Variants in SPAG17 observed in about 807,000 individuals in gnomAD.
SPAG17 encodes the protein sperm-associated antigen 17.
A neutral mutation model predicts 273.6 loss-of-function variants in SPAG17; 169 were observed. That is an observed-to-expected ratio of 0.62 (90% CI 0.55 to 0.70). The LOEUF (loss-of-function observed/expected upper bound fraction) is 0.70, where lower values mean the gene tolerates loss of function less well. SPAG17 is among the 30% of genes least tolerant of loss of function. The pLI is 0.00. For missense variants in SPAG17, 2,557 were observed against 2,627.8 expected (o/e 0.97, Z 0.59); for synonymous variants, 825 against 873.2 (o/e 0.94, Z 0.97).
At chr1:118,176,536 T>C (rs1234594233) in intron 1 of SPAG17, among the ~76,000 whole-genome samples, 1 of 152,182 alleles carries the variant, frequency 6.6e-6, no homozygotes, top group African/African-American at 2.4e-5. Flanking sequence ...ATGCATTCAA[T>C]ATCAGAGCTC....
In SPAG17 at chr1:118,028,391, C is replaced by T. The variant is rs781719346; in HGVS notation, c.3613G>A (p.Glu1205Lys). 5.0e-6 allele frequency: 8 copies of T among 1,612,602 alleles called. No individual in the cohort carries two copies. The South Asian group carries it at 5.5e-5, about 11-fold the overall frequency. Residue 1205 changes from glutamate (E) to lysine (K), a missense_variant, in exon 26 of 49, where the codon GAA becomes AAA. By Grantham distance (56) the Glu-to-Lys change is moderately conservative. Coordinates refer to ENST00000336338, the MANE Select transcript of SPAG17 (RefSeq NM_206996.4). ...EHPKEEEKKE[E>K]EVEPEPVLQE... ...AAAACAGGTTCTGGTTCTACTTCTTCTTCCTGTAAATAATTCAGCATGTGA... is the reference window on the plus strand; with the variant it reads ...AAAACAGGTTCTGGTTCTACTTCTTTTTCCTGTAAATAATTCAGCATGTGA...
chr1:118,115,524 A>G, intron 3 of SPAG17, 83 bp from the exon 4 acceptor site: 1 of 1,336,060 alleles, frequency 7.5e-7, no homozygotes. Context: ...ATGAAAGGAA[A>G]TTTTATATTA....
At position 117,996,445 on chromosome 1, in the gene SPAG17, TGTC is replaced by T. The variant is rs763697121; in HGVS notation, c.4975_4977del (p.Asp1659del). 3.7e-6 allele frequency: 6 copies of T among 1,613,060 alleles called. No homozygotes were observed. Among genetic ancestry groups the T allele is most frequent in the Non-Finnish European group, 4.2e-6 (5 of 1,179,418 alleles). ...TATGCCAAAGATAGATATTCTTCTA[TGTC>T]ACTGTCTCGAAGAAGTTCCATTCCT... On this transcript the variant is annotated inframe_deletion, in exon 34 of 49. Coordinates refer to ENST00000336338, the MANE Select transcript of SPAG17 (RefSeq NM_206996.4).
intron 20 of SPAG17, among the ~76,000 whole-genome samples, chr1:118,045,810 G>C (rs1650283358): frequency 6.6e-6 from 1 of 152,112 alleles, no homozygotes. Context: ...TATCAGAATG[G>C]AATTTAATTG....
chr1:117,998,640 T>C (rs1657926961), intron 32 of SPAG17, among the ~76,000 whole-genome samples: 1 of 152,174 alleles, frequency 6.6e-6, no homozygotes, highest in African/African-American at 2.4e-5. Context: ...GTAAATTGCT[T>C]TGGGCAGTAT....
At chr1:118,059,800 C>G (rs1652091025) in intron 18 of SPAG17, among the ~76,000 whole-genome samples, 1 of 152,026 alleles carries the variant, frequency 6.6e-6, no homozygotes, top group South Asian at 2.1e-4. Flanking sequence ...ATCTTTTTCT[C>G]TCTCCTCACT....
At chr1:117,985,932 A>G (rs930112249) in intron 40 of SPAG17, among the ~76,000 whole-genome samples, 8 of 152,164 alleles carry the variant, frequency 5.3e-5, no homozygotes, top group African/African-American at 1.9e-4. Flanking sequence ...TGCACATGCT[A>G]GTCAGCCGTC....
chr1:118,095,235 C>T (rs532262396), intron 7 of SPAG17, among the ~76,000 whole-genome samples: 1 of 152,292 alleles, frequency 6.6e-6, no homozygotes, highest in South Asian at 2.1e-4. Flanking sequence ...AAATGGTGCT[C>T]GGTCCTTTGA....
chr1:117,967,069 A>G (rs1211534313), intron 46 of SPAG17, among the ~76,000 whole-genome samples: 1 of 152,054 alleles, frequency 6.6e-6, no homozygotes, highest in Non-Finnish European at 1.5e-5. Flanking sequence ...CAATACTCCT[A>G]ATTGTGCTAG....
At chr1:117,990,061 T>C (rs1260695371) in intron 38 of SPAG17, among the ~76,000 whole-genome samples, 1 of 152,138 alleles carries the variant, frequency 6.6e-6, no homozygotes, top group Admixed American at 6.6e-5. Flanking sequence ...CCACAGAGTA[T>C]AGGGACACGG....
chr1:118,137,412 T>C (rs571424117), intron 3 of SPAG17, among the ~76,000 whole-genome samples: 3 of 152,328 alleles, frequency 2.0e-5, no homozygotes, highest in African/African-American at 7.2e-5. Context: ...GTTTCATGGG[T>C]ACCAGGTACT....
chr1:118,174,283 A>G (rs1419436431), intron 1 of SPAG17, among the ~76,000 whole-genome samples: 2 of 152,200 alleles, frequency 1.3e-5, no homozygotes, highest in Non-Finnish European at 2.9e-5. Context: ...AGAAATTATT[A>G]AAAGGGACCA....
At position 118,052,187 on chromosome 1, in the gene SPAG17, A is replaced by G. The variant is rs1289114125; in HGVS notation, c.2814+1815T>C. ...ATATAAACTATTATATATATAATAA[A>G]CATACACACACAATGGAATACTATT... On this transcript the variant is annotated intron_variant, in intron 20 of 48. Coordinates refer to ENST00000336338, the MANE Select transcript of SPAG17 (RefSeq NM_206996.4). 2.7e-5 allele frequency among the ~76,000 whole-genome samples: 4 copies of G among 148,128 alleles called. No homozygotes were observed. The Admixed American group carries it at 2.7e-4, about 10-fold the overall frequency.
At chr1:118,039,729 G>C (rs1178221253) in intron 22 of SPAG17, among the ~76,000 whole-genome samples, 1 of 152,058 alleles carries the variant, frequency 6.6e-6, no homozygotes, top group African/African-American at 2.4e-5. Flanking sequence ...GCATACCAAA[G>C]CCCTGCGATA....
chr1:118,137,015 T>A (rs181913055), intron 3 of SPAG17, among the ~76,000 whole-genome samples: 2 of 152,226 alleles, frequency 1.3e-5, no homozygotes, highest in African/African-American at 2.4e-5. Context: ...TTCCTCAAAA[T>A]CTCATTAGTT....
intron 30 of SPAG17, among the ~76,000 whole-genome samples, chr1:118,010,491 T>G (rs1282265068): frequency 6.6e-6 from 1 of 152,178 alleles, no homozygotes; most frequent in Non-Finnish European, 1.5e-5. Flanking sequence ...TAAATGGTAC[T>G]GAGATAAATG....
rs953417135 is a variant in SPAG17, at chr1:118,152,698, T to C, written c.88-1329A>G. On this transcript the variant is annotated intron_variant, in intron 1 of 48. Coordinates refer to ENST00000336338, the MANE Select transcript of SPAG17 (RefSeq NM_206996.4). ...AGGTGTGACTTTGTGTGGTTTCCTC[T>C]GTTATAATGAGTTGAAAACATTCTT... Among the ~76,000 whole-genome samples the C allele has an allele frequency of 3.3e-5, 5 of 152,214 alleles. No homozygotes were observed. In the South Asian group the frequency reaches 1.0e-3, roughly 31 times the overall value.
chr1:118,003,570 C>T (rs1026384555), intron 32 of SPAG17, among the ~76,000 whole-genome samples: 2 of 152,144 alleles, frequency 1.3e-5, no homozygotes, highest in Admixed American at 6.5e-5. Context: ...ATTTGATCTT[C>T]AGTCACTTAT....
intron 1 of SPAG17, among the ~76,000 whole-genome samples, chr1:118,175,067 G>A (rs1660624671): frequency 6.6e-6 from 1 of 152,034 alleles, no homozygotes; most frequent in South Asian, 2.1e-4. Flanking sequence ...GCCTCACTCT[G>A]TTGCCCAGGC....
Sources: allele counts gnomAD v4.1 joint callset (sites outside exome capture counted in the v4.1 genomes callset), GRCh38; gene constraint gnomAD v4.1.1; transcripts MANE v1.5; gene names NCBI Gene and HGNC (gene_info 2026-07-23, HGNC 2026-07-21).